Variants in ARHGAP17 observed in about 807,000 individuals in gnomAD.
The protein encoded by ARHGAP17 is Rho GTPase activating protein 17.
Under a neutral mutation model 99.5 loss-of-function variants are expected in ARHGAP17, and 57 were observed. The observed-to-expected ratio is 0.57, with a 90% CI of 0.46 to 0.71. The LOEUF is 0.71. Among genes scored for constraint, ARHGAP17 ranks in the 30% least tolerant of loss-of-function variants. The pLI is 0.00. For missense variants in ARHGAP17, 1,000 were observed against 1,122.4 expected (o/e 0.89, Z 1.56); for synonymous variants, 417 against 429.6 (o/e 0.97, Z 0.36).
Position 24,931,286 on chromosome 16 carries a change from G to A in ARHGAP17, c.2013C>T (p.Pro671=). ...QHPPSLSPKP[P]TRSPSPPTQH... ...GGGTGGGAGGAGAGGGGCTTCGGGT[G>A]GGTGGCTTTGGTGACAGACTGGGTG... is the stretch of plus-strand genomic sequence containing the variant. Residue 671 remains proline (P), a synonymous_variant, in exon 19 of 20, where the codon CCC becomes CCT. Coordinates refer to ENST00000289968, the MANE Select transcript of ARHGAP17 (RefSeq NM_001006634.3). 2 of 1,529,808 alleles carry A rather than the reference G, an allele frequency of 1.3e-6. No individual in the cohort carries two copies. Among genetic ancestry groups the A allele is most frequent in the Admixed American group, 2.1e-5 (1 of 46,718 alleles). 94.8% of individuals were successfully genotyped at this position (1,529,808 alleles called of 1,614,324 possible).
chr16:24,984,271 C>T (rs56191328), intron 1 of ARHGAP17, among the ~76,000 whole-genome samples: 2 of 152,158 alleles, frequency 1.3e-5, no homozygotes, highest in African/African-American at 2.4e-5. Flanking sequence ...TGAGCACTAC[C>T]GTCCTCCTCC....
At chr16:24,975,191 A>C (rs775465637) in intron 3 of ARHGAP17, among the ~76,000 whole-genome samples, 3 of 152,210 alleles carry the variant, frequency 2.0e-5, no homozygotes, top group Non-Finnish European at 4.4e-5. Flanking sequence ...AAAGCCCCCC[A>C]GTTTCCAGCC....
chr16:25,009,249 C>A (rs1178214943), intron 1 of ARHGAP17, among the ~76,000 whole-genome samples: 2 of 152,054 alleles, frequency 1.3e-5, no homozygotes, highest in Non-Finnish European at 2.9e-5. Context: ...TGCCTGTAAG[C>A]CCAGCTACTC....
Position 24,920,266 on chromosome 16 carries a change from C to G in ARHGAP17, c.2516-6G>C, listed in dbSNP as rs764655745. On this transcript the variant is annotated splice_region_variant and splice_polypyrimidine_tract_variant and intron_variant, in intron 19 of 19. Coordinates refer to ENST00000289968, the MANE Select transcript of ARHGAP17 (RefSeq NM_001006634.3). The stretch of plus-strand genomic sequence containing the variant: ...TGAAACCCTGGAATTGGAGTCTGGA[C>G]AAAAACACGAGGAGACATGGTATCA... 3 of 1,613,822 alleles carry G rather than the reference C, an allele frequency of 1.9e-6. No individual in the cohort carries two copies. Among genetic ancestry groups the G allele is most frequent in the Non-Finnish European group, 2.5e-6 (3 of 1,179,908 alleles).
intron 19 of ARHGAP17, chr16:24,930,547 C>T (rs2050953476): frequency 5.1e-6 from 4 of 776,928 alleles, no homozygotes; most frequent in East Asian, 2.6e-5. Flanking sequence ...TCTTTGGTCA[C>T]GACTACCCAG....
chr16:24,966,720 G>A (rs2052197157), intron 6 of ARHGAP17, among the ~76,000 whole-genome samples: 1 of 152,042 alleles, frequency 6.6e-6, no homozygotes, highest in East Asian at 1.9e-4. Context: ...GGAGTTTGAG[G>A]TTGCAGTGAG....
chr16:24,971,416 G>A (rs1056720726), intron 3 of ARHGAP17, among the ~76,000 whole-genome samples: 2 of 147,800 alleles, frequency 1.4e-5, no homozygotes, highest in African/African-American at 2.5e-5. Flanking sequence ...TGCAACCGCC[G>A]CCTGCCAGGT....
chr16:24,967,500 A>G (rs577247392), intron 6 of ARHGAP17, among the ~76,000 whole-genome samples: 22 of 152,328 alleles, frequency 1.4e-4, no homozygotes, highest in African/African-American at 5.1e-4. Flanking sequence ...GAAGAAAGCC[A>G]TGTAAGTCAC....
chr16:24,993,288 A>T (rs2053102047), intron 1 of ARHGAP17, among the ~76,000 whole-genome samples: 1 of 152,254 alleles, frequency 6.6e-6, no homozygotes, highest in South Asian at 2.1e-4. Flanking sequence ...GGCTTTTCCC[A>T]TTAAAAGTAA....
chr16:24,982,003 G>A (rs1356593505), intron 1 of ARHGAP17, among the ~76,000 whole-genome samples: 1 of 152,120 alleles, frequency 6.6e-6, no homozygotes, highest in South Asian at 2.1e-4. Flanking sequence ...TTAATGTACT[G>A]TTTAAAAAGA....
At chr16:25,015,007 G>C (rs1567278803) in intron 1 of ARHGAP17, among the ~76,000 whole-genome samples, 1 of 151,512 alleles carries the variant, frequency 6.6e-6, no homozygotes, top group Non-Finnish European at 1.5e-5. Flanking sequence ...GCCCGGCGGC[G>C]CTGAGAGACA....
At chr16:24,953,942 C>T (rs2051724197) in intron 10 of ARHGAP17, among the ~76,000 whole-genome samples, 1 of 152,090 alleles carries the variant, frequency 6.6e-6, no homozygotes. Flanking sequence ...AGCGCCGACT[C>T]CATGGGTGGG....
chr16:24,951,808 T>C, intron 12 of ARHGAP17, among the ~76,000 whole-genome samples: 1 of 152,220 alleles, frequency 6.6e-6, no homozygotes, highest in East Asian at 1.9e-4. Context: ...CAGTCAACAG[T>C]ATGCTATTAG....
chr16:24,937,997 A>C (rs1324442225), intron 17 of ARHGAP17, among the ~76,000 whole-genome samples: 2 of 152,192 alleles, frequency 1.3e-5, no homozygotes, highest in African/African-American at 2.4e-5. Flanking sequence ...AAGAGATGCC[A>C]CCTGAAGTAG....
chr16:24,935,955 T>G (rs868535778), intron 17 of ARHGAP17: 3 of 369,146 alleles, frequency 8.1e-6, no homozygotes, highest in Non-Finnish European at 1.5e-5. Flanking sequence ...ACTATAGGAC[T>G]ATTTATTTTA....
chr16:25,013,780 T>C (rs1286678269), intron 1 of ARHGAP17: 3 of 152,178 alleles, frequency 2.0e-5, no homozygotes, highest in Non-Finnish European at 2.9e-5. Flanking sequence ...AAACGACTAT[T>C]TGACAAATGT....
intron 17 of ARHGAP17, 33 bp downstream of exon 17, chr16:24,939,331 G>A: frequency 6.5e-7 from 1 of 1,548,948 alleles, no homozygotes; most frequent in Non-Finnish European, 8.6e-7. Context: ...GGGGCGTCCA[G>A]CCTCCACTGC....
intron 17 of ARHGAP17, chr16:24,936,455 C>T (rs2051141672): frequency 6.6e-6 from 1 of 152,238 alleles, no homozygotes; most frequent in African/African-American, 2.4e-5. Context: ...CCTGTAACGC[C>T]AGCACTTTGG....
At chr16:24,999,672 C>T (rs868424268) in intron 1 of ARHGAP17, among the ~76,000 whole-genome samples, 4 of 152,136 alleles carry the variant, frequency 2.6e-5, no homozygotes, top group African/African-American at 7.2e-5. Context: ...CCTCCTGCCT[C>T]GCCTCCCTAA....
Sources: allele counts gnomAD v4.1 joint callset (sites outside exome capture counted in the v4.1 genomes callset), GRCh38; gene constraint gnomAD v4.1.1; transcripts MANE v1.5; gene names NCBI Gene and HGNC (gene_info 2026-07-23, HGNC 2026-07-21).